The following EEIG1 variants were observed in gnomAD, a reference collection of about 807,000 sequenced individuals.
EEIG1 encodes early estrogen-induced gene 1 protein.
At chr9:127,950,287 C>T in the EEIG1 span, 1 of 824,340 alleles carries the variant, frequency 1.2e-6, no homozygotes, top group Non-Finnish European at 1.9e-6. Flanking sequence ...GATTCCAGGG[C>T]TCGCCCCTTC....
the EEIG1 span, among the ~76,000 whole-genome samples, chr9:127,951,404 C>T: frequency 1.3e-5 from 2 of 152,182 alleles, no homozygotes; most frequent in East Asian, 3.8e-4. Flanking sequence ...TGTCAAGTAA[C>T]TGCTGCCTGC....
At chr9:127,978,124 C>G in the EEIG1 span, among the ~76,000 whole-genome samples, 1 of 152,196 alleles carries the variant, frequency 6.6e-6, no homozygotes, top group Non-Finnish European at 1.5e-5. Context: ...CCAAATTCCT[C>G]AGATAAGCAG....
chr9:127,945,924 G>A, the EEIG1 span, among the ~76,000 whole-genome samples: 6 of 152,218 alleles, frequency 3.9e-5, no homozygotes, highest in Admixed American at 2.6e-4. This position sits in a 1 kb window ranked among gnomAD's most constrained non-coding sequence, Gnocchi z 6.5. Flanking sequence ...GTCACCCTCC[G>A]AACCCAGGTC....
At chr9:127,978,516 T>C in the EEIG1 span, among the ~76,000 whole-genome samples, 1 of 150,508 alleles carries the variant, frequency 6.6e-6, no homozygotes, top group South Asian at 2.1e-4. Flanking sequence ...CGCATACTAT[T>C]TTATTTCATT....
chr9:127,963,406 C>T, the EEIG1 span, among the ~76,000 whole-genome samples: 22 of 152,348 alleles, frequency 1.4e-4, no homozygotes, highest in African/African-American at 5.0e-4. Context: ...GTGCTTCCCC[C>T]GCTCCCCGCT....
the EEIG1 span, chr9:127,980,322 G>A: frequency 3.4e-6 from 2 of 579,742 alleles, no homozygotes; most frequent in African/African-American, 3.8e-5. Context: ...CAGTTCGCGG[G>A]CCGGCGGGCT....
the EEIG1 span, among the ~76,000 whole-genome samples, chr9:127,949,328 A>AG: frequency 6.6e-6 from 1 of 150,996 alleles, no homozygotes; most frequent in Non-Finnish European, 1.5e-5. Flanking sequence ...AAAAAAAAAA[A>AG]AAAAGAAAGG....
the EEIG1 span, chr9:127,954,042 T>C: frequency 2.6e-6 from 3 of 1,162,180 alleles, no homozygotes; most frequent in Non-Finnish European, 3.7e-6. Context: ...AGCTCCACTT[T>C]CACTCTGTGT....
chr9:127,960,437 G>A, the EEIG1 span, among the ~76,000 whole-genome samples: 2 of 152,222 alleles, frequency 1.3e-5, no homozygotes, highest in African/African-American at 2.4e-5. Context: ...CCCGTGGACT[G>A]TGGCTTAGGC....
At chr9:127,944,665 G>A in the EEIG1 span, 3 of 1,612,712 alleles carry the variant, frequency 1.9e-6, no homozygotes, top group Middle Eastern at 1.7e-4. Context: ...CGCGGCTCAC[G>A]AACAGCCGGA....
the EEIG1 span, among the ~76,000 whole-genome samples, chr9:127,956,143 G>A: frequency 2.6e-5 from 4 of 152,252 alleles, no homozygotes; most frequent in South Asian, 8.3e-4. Flanking sequence ...CCTAGGCTGG[G>A]GGCATCACTT....
chr9:127,972,118 G>C, the EEIG1 span, among the ~76,000 whole-genome samples: 3 of 152,062 alleles, frequency 2.0e-5, no homozygotes, highest in African/African-American at 7.2e-5. The surrounding 1 kb of genome is among the most constrained non-coding windows in gnomAD (Gnocchi z 4.3). Context: ...GCTGTGCAGA[G>C]GGCCTCTTCC....
chr9:127,969,170 G>C, the EEIG1 span, among the ~76,000 whole-genome samples: 1 of 152,186 alleles, frequency 6.6e-6, no homozygotes, highest in African/African-American at 2.4e-5. Flanking sequence ...CAGGGTTCAG[G>C]GCAGAGCAGG....
chr9:127,960,991 C>T, the EEIG1 span, among the ~76,000 whole-genome samples: 1 of 10,948 alleles, frequency 9.1e-5, no homozygotes, highest in Non-Finnish European at 8.0e-4. Flanking sequence ...AAAAAAAAAC[C>T]ACAGCAGCAG....
the EEIG1 span, chr9:127,945,516 C>A: frequency 1.3e-6 from 2 of 1,569,284 alleles, no homozygotes; most frequent in Non-Finnish European, 1.7e-6. This position sits in a 1 kb window ranked among gnomAD's most constrained non-coding sequence, Gnocchi z 6.5. Flanking sequence ...TGCGGCGGTG[C>A]GTCAGGTCTG....
the EEIG1 span, chr9:127,953,270 A>G: frequency 2.4e-6 from 1 of 410,332 alleles, no homozygotes; most frequent in African/African-American, 2.0e-5. Context: ...TCTTCTTACA[A>G]GGTCTGGAAA....
the EEIG1 span, chr9:127,944,869 G>A: frequency 3.7e-6 from 6 of 1,612,370 alleles, no homozygotes; most frequent in African/African-American, 2.7e-5. Context: ...CACCCAGGTC[G>A]GGTGGCTCTC....
At chr9:127,952,911 T>C in the EEIG1 span, among the ~76,000 whole-genome samples, 3 of 152,164 alleles carry the variant, frequency 2.0e-5, no homozygotes, top group Admixed American at 6.5e-5. Context: ...GAGACGGGGT[T>C]TTGTCGTATT....
At chr9:127,945,244 G>A in the EEIG1 span, 13 of 843,964 alleles carry the variant, frequency 1.5e-5, no homozygotes, top group African/African-American at 1.5e-4. This position sits in a 1 kb window ranked among gnomAD's most constrained non-coding sequence, Gnocchi z 6.5. Flanking sequence ...TAGTGGAATC[G>A]TCACCACCCA....
Sources: allele counts gnomAD v4.1 joint callset (sites outside exome capture counted in the v4.1 genomes callset), GRCh38; gene constraint gnomAD v4.1.1; non-coding constraint Gnocchi (gnomAD v3.1); transcripts MANE v1.5; gene names NCBI Gene and HGNC (gene_info 2026-07-23, HGNC 2026-07-21).